LMX1B: variants seen among roughly 807,000 people sequenced by gnomAD.
LMX1B encodes the protein LIM homeobox transcription factor 1-beta.
In LMX1B, 12 loss-of-function variants were observed where a neutral mutation model predicts 51.4. That is an observed-to-expected ratio of 0.23 (90% CI 0.15 to 0.38). LMX1B has a LOEUF of 0.38. Ranked by LOEUF, LMX1B falls within the 10% of genes least tolerant of loss-of-function variation. The pLI is 1.00. For missense variants in LMX1B, 445 were observed against 571.1 expected (o/e 0.78, Z 2.25); for synonymous variants, 237 against 235.4 (o/e 1.01, Z -0.06).
chr9:126,647,389 T>C (rs181625375), intron 2 of LMX1B, among the ~76,000 whole-genome samples: 15 of 152,314 alleles, frequency 9.8e-5, no homozygotes, highest in Admixed American at 9.8e-4. Flanking sequence ...TGCATAACTT[T>C]GGGACACGCC....
intron 2 of LMX1B, among the ~76,000 whole-genome samples, chr9:126,659,167 T>C (rs1348418956): frequency 2.6e-5 from 4 of 152,222 alleles, no homozygotes; most frequent in Non-Finnish European, 5.9e-5. Flanking sequence ...CAGGCCTGAA[T>C]GGGCCCCCTT....
intron 2 of LMX1B, among the ~76,000 whole-genome samples, chr9:126,653,656 C>G (rs1671481706): frequency 6.6e-6 from 1 of 152,172 alleles, no homozygotes; most frequent in African/African-American, 2.4e-5. Flanking sequence ...GTGCATGGAG[C>G]TCTGTGCCAA....
At chr9:126,651,168 C>T (rs994762616) in intron 2 of LMX1B, among the ~76,000 whole-genome samples, 2 of 151,924 alleles carry the variant, frequency 1.3e-5, no homozygotes, top group African/African-American at 2.4e-5. Flanking sequence ...TCTCTCTCTC[C>T]CTCCTTCTCT....
intron 2 of LMX1B, among the ~76,000 whole-genome samples, chr9:126,646,797 G>T (rs1172104585): frequency 1.3e-5 from 2 of 152,204 alleles, no homozygotes; most frequent in African/African-American, 4.8e-5. Context: ...CAAGGTTCCT[G>T]TTCATACTCA....
At chr9:126,654,301 A>G (rs1836072607) in intron 2 of LMX1B, among the ~76,000 whole-genome samples, 1 of 152,164 alleles carries the variant, frequency 6.6e-6, no homozygotes. Flanking sequence ...GGGCTCCCAC[A>G]GACCCCCATG....
rs1182853556 is a variant in LMX1B at position 126,687,872 on chromosome 9, G to A, written c.327-2964G>A. Among the ~76,000 whole-genome samples, 5 of 152,272 alleles carry A rather than the reference G, an allele frequency of 3.3e-5. No individual in the cohort carries two copies. In the East Asian group the frequency reaches 7.7e-4, roughly 24 times the overall value. ...CATAGTCCTCCGTGGTGGGAGGCACGAAGAGAGGGGGAATGGGGGCTCACA... is the reference window on the plus strand; with the variant it reads ...CATAGTCCTCCGTGGTGGGAGGCACAAAGAGAGGGGGAATGGGGGCTCACA... On this transcript the variant is annotated intron_variant, in intron 2 of 7. Coordinates refer to ENST00000373474, the MANE Select transcript of LMX1B (RefSeq NM_001174147.2).
rs1835281888 is a variant in LMX1B, at chr9:126,615,343, G to A, written c.140-40G>A. 2 of 1,484,596 alleles carry A rather than the reference G, an allele frequency of 1.3e-6. No homozygotes were observed. Among genetic ancestry groups the A allele is most frequent in the African/African-American group, 1.4e-5 (1 of 69,040 alleles). 92.0% of individuals were successfully genotyped at this position (1,484,596 alleles called of 1,614,324 possible). A position where few individuals can be genotyped will look rare whatever the true frequency, so the allele number is the denominator to read the frequency against. ...CGACCGGGACGCCGGGGCTGGGCCG[G>A]GCGGCGCTGACGGCCGGGCTTTCGC... On this transcript the variant is annotated intron_variant, in intron 1 of 7. Coordinates refer to ENST00000373474, the MANE Select transcript of LMX1B (RefSeq NM_001174147.2). This position sits in a 1 kb window ranked among gnomAD's most constrained non-coding sequence, Gnocchi z 6.0.
intron 2 of LMX1B, among the ~76,000 whole-genome samples, chr9:126,645,603 ACAGT>A (rs1212973980): frequency 4.6e-5 from 7 of 152,302 alleles, no homozygotes; most frequent in Non-Finnish European, 8.8e-5. Context: ...GGAGAAGTCA[ACAGT>A]GTAGATCCCT....
At position 126,625,514 on chromosome 9, in the gene LMX1B, G is replaced by A. The variant is rs2118847813; in HGVS notation, c.326+9945G>A. 6.6e-6 allele frequency among the ~76,000 whole-genome samples: 1 copy of A among 152,348 alleles called. No individual in the cohort carries two copies. The highest frequency in any genetic ancestry group is 2.1e-4 in the South Asian group (1 of 4,830). On this transcript the variant is annotated intron_variant, in intron 2 of 7. Coordinates refer to ENST00000373474, the MANE Select transcript of LMX1B (RefSeq NM_001174147.2). The surrounding 1 kb of genome is among the most constrained non-coding windows in gnomAD (Gnocchi z 5.3). ...AGAGGCCGAATGGAGATGCCAGGCTGGGGCCCTCGGCGGGGCAGATTTCGT... is the reference window on the plus strand; with the variant it reads ...AGAGGCCGAATGGAGATGCCAGGCTAGGGCCCTCGGCGGGGCAGATTTCGT...
intron 2 of LMX1B, among the ~76,000 whole-genome samples, chr9:126,628,521 C>T (rs3829849): frequency 0.28 from 43,000 of 152,106 alleles, 6,929 homozygotes; most frequent in Middle Eastern, 0.42. Context: ...CAGGACATGG[C>T]TTTGGAAGTT....
chr9:126,661,301 G>T (rs1373885167), intron 2 of LMX1B, among the ~76,000 whole-genome samples: 1 of 150,590 alleles, frequency 6.6e-6, no homozygotes, highest in East Asian at 2.0e-4. Flanking sequence ...TCAGGCCAGC[G>T]TGGACGCCTC....
chr9:126,614,470 C>T lies in LMX1B; in HGVS notation c.21C>T (p.Pro7=). The change falls in exon 1 of 8, where the codon CCC becomes CCT. Residue 7 remains proline, a synonymous_variant. Transcript: ENST00000373474. ...GTCCCATGGATATAGCAACAGGTCC[C>T]GAGTCGCTGGAGAGGTGCTTCCCTC... MDIATG[P]ESLERCFPRG... is the part of the protein sequence containing the mutation. The T allele has an allele frequency of 1.3e-6, 2 of 1,582,004 alleles. No individual in the cohort carries two copies. Among genetic ancestry groups the T allele is most frequent in the Middle Eastern group, 1.7e-4 (1 of 6,010 alleles).
chr9:126,661,306 C>T (rs538696250), intron 2 of LMX1B, among the ~76,000 whole-genome samples: 8 of 151,952 alleles, frequency 5.3e-5, no homozygotes, highest in Non-Finnish European at 1.0e-4. Context: ...CCAGCGTGGA[C>T]GCCTCATGCC....
chr9:126,687,195 C>A (rs2118979349), intron 2 of LMX1B, among the ~76,000 whole-genome samples: 1 of 151,674 alleles, frequency 6.6e-6, no homozygotes, highest in East Asian at 1.9e-4. Flanking sequence ...CCAACAACCC[C>A]ATGGTCGGGG....
At chr9:126,693,397 C>A in intron 4 of LMX1B, 74 bp downstream of exon 4, 1 of 1,551,836 alleles carries the variant, frequency 6.4e-7, no homozygotes, top group Non-Finnish European at 8.8e-7. Flanking sequence ...CCACCCCCTG[C>A]TCCTGCTGGG....
In LMX1B at chr9:126,696,289, C is replaced by G; in HGVS notation, c.1052-5C>G. The G allele has an allele frequency of 1.9e-6, 3 of 1,614,022 alleles. No individual in the cohort carries two copies. Among genetic ancestry groups the G allele is most frequent in the Non-Finnish European group, 2.5e-6 (3 of 1,179,912 alleles). On this transcript the variant is annotated splice_region_variant and splice_polypyrimidine_tract_variant and intron_variant, in intron 7 of 7. Coordinates refer to ENST00000373474, the MANE Select transcript of LMX1B (RefSeq NM_001174147.2). ...CCCGGTCCTGACACCCCTTCTGCCC[C>G]CCAGGGAACGACTCCATCTTCCATG...
chr9:126,674,431 T>C (rs1406755091), intron 2 of LMX1B, among the ~76,000 whole-genome samples: 2 of 152,134 alleles, frequency 1.3e-5, no homozygotes, highest in Non-Finnish European at 2.9e-5. Context: ...CCCTGCTAAG[T>C]GTGAACAGGC....
chr9:126,686,090 T>G (rs977823463), intron 2 of LMX1B, among the ~76,000 whole-genome samples: 8 of 151,976 alleles, frequency 5.3e-5, no homozygotes, highest in Admixed American at 3.9e-4. Flanking sequence ...CCATCCTGGC[T>G]AACACGGTGA....
rs554406767 is a variant in LMX1B, at chr9:126,615,580, C to G, written c.326+11C>G. 5 of 1,599,946 alleles carry G rather than the reference C, an allele frequency of 3.1e-6. No homozygotes were observed. The highest frequency in any genetic ancestry group is 4.3e-6 in the Non-Finnish European group (5 of 1,173,126). On this transcript the variant is annotated intron_variant, in intron 2 of 7. Coordinates refer to ENST00000373474, the MANE Select transcript of LMX1B (RefSeq NM_001174147.2). This position sits in a 1 kb window ranked among gnomAD's most constrained non-coding sequence, Gnocchi z 6.0. ...ACAAGACTACCAACAGTAAGCGCTT[C>G]TCGTCCTCCTTCCCCGCCACCGCCC...
Sources: gnomAD v4.1 joint callset for allele counts (sites outside exome capture counted in the v4.1 genomes callset) on GRCh38, gnomAD v4.1.1 for gene constraint, Gnocchi (gnomAD v3.1) non-coding constraint, MANE v1.5 for transcripts, NCBI Gene and HGNC (gene_info 2026-07-23, HGNC 2026-07-21) for gene names.